The following INPP4B variants were observed in gnomAD, a reference collection of about 807,000 sequenced individuals.
INPP4B encodes the protein inositol polyphosphate-4-phosphatase type II B.
A neutral mutation model predicts 122.5 loss-of-function variants in INPP4B; 55 were observed. The ratio of observed to expected loss-of-function variants is 0.45; its 90% CI spans 0.36 to 0.56. The LOEUF is 0.56. INPP4B is among the 20% of genes least tolerant of loss of function. The pLI, the probability that INPP4B is intolerant of heterozygous loss-of-function variation, is 0.00. For missense variants in INPP4B, 1,000 were observed against 1,097.7 expected (o/e 0.91, Z 1.26); for synonymous variants, 403 against 388.7 (o/e 1.04, Z -0.43).
In INPP4B at chr4:142,063,235, A is replaced by G. The variant is rs1761919335; in HGVS notation, c.2642+18796T>C. Among the ~76,000 whole-genome samples, 5 of 152,174 alleles carry G rather than the reference A, an allele frequency of 3.3e-5. 1 individual carries two copies. The South Asian group carries it at 1.0e-3, about 32-fold the overall frequency. On this transcript the variant is annotated intron_variant, in intron 25 of 25. Coordinates refer to ENST00000262992, the MANE Select transcript of INPP4B (RefSeq NM_001101669.3). ...TTAGCTGCTGGTGGAAACAGTCCACATGATCTGCCTGAACAGAAAGCCTAC... is the reference window on the plus strand; with the variant it reads ...TTAGCTGCTGGTGGAAACAGTCCACGTGATCTGCCTGAACAGAAAGCCTAC...
intron 2 of INPP4B, among the ~76,000 whole-genome samples, chr4:142,564,439 C>CAAAAAAAAAAAA (rs199803105): frequency 2.0e-5 from 2 of 97,920 alleles, no homozygotes; most frequent in African/African-American, 8.3e-5. Context: ...TAAGGAATGG[C>CAAAAAAAAAAAA]AAAAAAAAAA....
Position 142,370,778 on chromosome 4 carries a change from CAAGG to C in INPP4B, c.372+32156_372+32159del, listed in dbSNP as rs1789608812. 2.0e-5 allele frequency among the ~76,000 whole-genome samples: 3 copies of C among 151,884 alleles called. No individual in the cohort carries two copies. In the South Asian group the frequency reaches 6.2e-4, roughly 32 times the overall value. ...AAAATTGCAAAACATCAAAGAAAAA[CAAGG>C]AAGAGGACACAAACAAATGGAAAAA... is the stretch of plus-strand genomic sequence containing the variant. On this transcript the variant is annotated intron_variant, in intron 7 of 25. Transcript: ENST00000262992.
chr4:142,703,980 C>T (rs1762145635), intron 2 of INPP4B, among the ~76,000 whole-genome samples: 1 of 152,080 alleles, frequency 6.6e-6, no homozygotes, highest in Non-Finnish European at 1.5e-5. Flanking sequence ...CAAGGACTGA[C>T]CTTAGAAGCA....
At chr4:142,145,378 T>C (rs1175256664) in intron 18 of INPP4B, among the ~76,000 whole-genome samples, 1 of 152,092 alleles carries the variant, frequency 6.6e-6, no homozygotes, top group Non-Finnish European at 1.5e-5. Flanking sequence ...CCCATATGTT[T>C]TGGAGATAAT....
chr4:142,380,669 C>A (rs936552682), intron 7 of INPP4B, among the ~76,000 whole-genome samples: 1 of 151,886 alleles, frequency 6.6e-6, no homozygotes, highest in African/African-American at 2.4e-5. Context: ...TTCATATTTT[C>A]TTTATTTTTC....
At chr4:142,699,972 TACAA>T (rs1560974772) in intron 2 of INPP4B, among the ~76,000 whole-genome samples, 1 of 152,164 alleles carries the variant, frequency 6.6e-6, no homozygotes, top group Non-Finnish European at 1.5e-5. Flanking sequence ...TTCATCAGCA[TACAA>T]ACAATCTATT....
chr4:142,541,484 G>T (rs531936962), intron 2 of INPP4B, among the ~76,000 whole-genome samples: 1 of 151,660 alleles, frequency 6.6e-6, no homozygotes, highest in Admixed American at 6.6e-5. Flanking sequence ...GGGATTAAAA[G>T]AATCTGTCCA....
At chr4:142,228,074 G>A (rs574821075) in intron 12 of INPP4B, among the ~76,000 whole-genome samples, 16 of 151,850 alleles carry the variant, frequency 1.1e-4, no homozygotes, top group Admixed American at 2.6e-4. Flanking sequence ...AAACATGCAC[G>A]TCAAGGTTTG....
intron 25 of INPP4B, among the ~76,000 whole-genome samples, chr4:142,062,742 AAAAC>A (rs3043162): frequency 0.24 from 35,543 of 149,054 alleles, 4,360 homozygotes; most frequent in East Asian, 0.39. Flanking sequence ...TCCCCCCGCA[AAAAC>A]AAACAAACAA....
chr4:142,176,134 T>TTATTATTA (rs1828097655), intron 15 of INPP4B, among the ~76,000 whole-genome samples: 1 of 146,702 alleles, frequency 6.8e-6, no homozygotes, highest in Non-Finnish European at 1.5e-5. Flanking sequence ...ATTATTATTA[T>TTATTATTA]TATTATTATT....
intron 14 of INPP4B, among the ~76,000 whole-genome samples, chr4:142,200,513 A>G (rs1366933205): frequency 6.6e-6 from 1 of 152,024 alleles, no homozygotes; most frequent in Non-Finnish European, 1.5e-5. Flanking sequence ...GTAATTATGT[A>G]TACATACTTC....
At chr4:142,397,823 G>C (rs1215832552) in intron 7 of INPP4B, among the ~76,000 whole-genome samples, 1 of 151,860 alleles carries the variant, frequency 6.6e-6, no homozygotes, top group Non-Finnish European at 1.5e-5. Context: ...TGGTGACAGA[G>C]CGAGGCTCCG....
At chr4:142,165,049 T>A (rs1822038825) in intron 16 of INPP4B, among the ~76,000 whole-genome samples, 1 of 151,722 alleles carries the variant, frequency 6.6e-6, no homozygotes, top group Non-Finnish European at 1.5e-5. Flanking sequence ...CATTTTCCCA[T>A]AGTTCAACTG....
chr4:142,665,231 G>A (rs539017589), intron 2 of INPP4B, among the ~76,000 whole-genome samples: 4 of 152,218 alleles, frequency 2.6e-5, no homozygotes, highest in South Asian at 2.1e-4. Context: ...GGTGGCTCAC[G>A]CCAATAATCC....
intron 20 of INPP4B, 117 bp from the exon 21 acceptor site, chr4:142,122,362 A>G (rs973598444): frequency 9.1e-6 from 7 of 773,218 alleles, no homozygotes; most frequent in Non-Finnish European, 1.3e-5. Context: ...TTCTGAATGC[A>G]GTGAACCTAC....
intron 2 of INPP4B, among the ~76,000 whole-genome samples, chr4:142,576,803 C>T (rs1733953175): frequency 6.6e-6 from 1 of 151,986 alleles, no homozygotes; most frequent in African/African-American, 2.4e-5. Context: ...TTAAACATAA[C>T]AGTATTTAAC....
intron 23 of INPP4B, among the ~76,000 whole-genome samples, chr4:142,086,463 C>T (rs115064673): frequency 0.011 from 1,682 of 152,222 alleles, 28 homozygotes; most frequent in African/African-American, 0.038. Flanking sequence ...AAGTGATCCT[C>T]CCACCTCAGT....
rs535541329 is a variant in INPP4B at position 142,394,537 on chromosome 4, T to A, written c.372+8401A>T. ...TAACAAGTGTGAGGTGATATCTCAT[T>A]ATGGTTTAAATTTGCATTTCCCTGA... On this transcript the variant is annotated intron_variant, in intron 7 of 25. Coordinates refer to ENST00000262992, the MANE Select transcript of INPP4B (RefSeq NM_001101669.3). 3.9e-4 allele frequency among the ~76,000 whole-genome samples: 60 copies of A among 152,336 alleles called. 1 individual carries two copies. Among genetic ancestry groups the A allele is most frequent in the Admixed American group, 3.9e-3 (60 of 15,302 alleles).
chr4:142,405,139 G>T, intron 6 of INPP4B, 67 bp downstream of exon 6: 2 of 897,836 alleles, frequency 2.2e-6, no homozygotes, highest in Admixed American at 1.9e-5. Flanking sequence ...GAGAGAGAGA[G>T]CAAGAGCGAG....
Sources: allele counts gnomAD v4.1 joint callset (sites outside exome capture counted in the v4.1 genomes callset), GRCh38; gene constraint gnomAD v4.1.1; transcripts MANE v1.5; gene names NCBI Gene and HGNC (gene_info 2026-07-23, HGNC 2026-07-21).